The following COL6A2 variants were observed in gnomAD, a reference collection of about 807,000 sequenced individuals.
COL6A2 encodes the protein collagen type VI alpha 2 chain, also known as collagen alpha-2(VI) chain.
Under a neutral mutation model 124.9 loss-of-function variants are expected in COL6A2, and 90 were observed. That is an observed-to-expected ratio of 0.72 (90% confidence interval 0.61 to 0.86). COL6A2 has a LOEUF of 0.86. Ranked by LOEUF, COL6A2 falls within the 40% of genes least tolerant of loss-of-function variation. The pLI is 0.00. For missense variants in COL6A2, 1,607 were observed against 1,502.5 expected, an observed-to-expected ratio of 1.07 and a Z score of -1.15; for synonymous variants, 793 against 618.2, an observed-to-expected ratio of 1.28 and a Z score of -4.19.
At chr21:46,112,716 G>A (rs1212357398) in intron 3 of COL6A2, 88 bp from the exon 4 acceptor site, 2 of 1,603,934 alleles carry the variant, frequency 1.2e-6, no homozygotes, top group African/African-American at 1.3e-5. Context: ...GGCCACTCAG[G>A]TGTCCCTCCA....
At chr21:46,113,858 A>T in intron 4 of COL6A2, 150 bp from the exon 5 acceptor site, 1 of 713,624 alleles carries the variant, frequency 1.4e-6, no homozygotes, top group South Asian at 1.5e-5. Flanking sequence ...CATGTCTCAC[A>T]GCTCCCTCAC....
At chr21:46,127,864 G>C (rs776208699) in intron 27 of COL6A2, among the ~76,000 whole-genome samples, 14 of 152,196 alleles carry the variant, frequency 9.2e-5, no homozygotes, top group Non-Finnish European at 1.9e-4. Flanking sequence ...TATCATTGTA[G>C]TTGGGAGTTA....
intron 14 of COL6A2, among the ~76,000 whole-genome samples, chr21:46,119,515 C>T (rs775061969): frequency 3.3e-5 from 5 of 152,236 alleles, no homozygotes; most frequent in Non-Finnish European, 7.3e-5. Flanking sequence ...AAACGCCACT[C>T]ACCAGACATC....
At chr21:46,115,811 G>T in intron 5 of COL6A2, 61 bp from the exon 6 acceptor site, 1 of 1,474,956 alleles carries the variant, frequency 6.8e-7, no homozygotes, top group Non-Finnish European at 9.4e-7. Flanking sequence ...CTGTGGCAGG[G>T]TCCCCAGCTG....
Position 46,117,445 on chromosome 21 carries a change from G to C in COL6A2, c.1045G>C (p.Gly349Arg). 6.2e-7 allele frequency: 1 copy of C among 1,612,620 alleles called. No individual in the cohort carries two copies. Among genetic ancestry groups the C allele is most frequent in the African/African-American group, 1.3e-5 (1 of 74,928 alleles). ...IGPPGCKGDP[G>R]NRGPDGYPGE... ...ACCTCCTGGCTGCAAGGGAGACCCT[G>C]GAAACCGGGTAAGGGCCGTTTGCAC... The change falls in exon 11 of 28, where the codon GGA (glycine) becomes CGA (arginine). Residue 349 changes from glycine to arginine, a missense_variant. Coordinates refer to ENST00000300527, the MANE Select transcript of COL6A2 (RefSeq NM_001849.4).
At chr21:46,114,165 A>T in intron 5 of COL6A2, 92 bp downstream of exon 5, 1 of 1,074,460 alleles carries the variant, frequency 9.3e-7, no homozygotes, top group Non-Finnish European at 1.4e-6. Context: ...GGTGGCTCAT[A>T]CCTGTAATCC....
Position 46,126,147 on chromosome 21 carries a change from G to A in COL6A2, c.2332G>A (p.Asp778Asn), listed in dbSNP as rs28562813. 4.8e-4 allele frequency: 769 copies of A among 1,610,842 alleles called. 5 individuals carry two copies. The African/African-American group carries it at 7.6e-3, about 16-fold the overall frequency. ...TGAAAACCTCTACTCCATCGCCTGC[G>A]ACAAGCCACAGCAGGTGCGCAACAT... ...ESENLYSIAC[D>N]KPQQVRNMTL... The change falls in exon 26 of 28, where the codon GAC (aspartate) becomes AAC (asparagine). Residue 778 changes from aspartate to asparagine, a missense_variant. Coordinates refer to ENST00000300527, the MANE Select transcript of COL6A2 (RefSeq NM_001849.4).
intron 27 of COL6A2, chr21:46,129,846 A>C (rs1048549635): frequency 1.9e-6 from 2 of 1,069,354 alleles, no homozygotes; most frequent in Non-Finnish European, 2.3e-6. Flanking sequence ...TCACCCTCAC[A>C]GGCTCCAGGG....
intron 1 of COL6A2, among the ~76,000 whole-genome samples, chr21:46,098,560 G>T (rs2078251795): frequency 6.6e-6 from 1 of 151,796 alleles, no homozygotes; most frequent in Non-Finnish European, 1.5e-5. Context: ...GAGCGGTTCG[G>T]GTCCGGCTCC....
Position 46,121,141 on chromosome 21 carries a change from A to C in COL6A2, c.1458+18A>C. On this transcript the variant is annotated intron_variant, in intron 17 of 27. Coordinates refer to ENST00000300527, the MANE Select transcript of COL6A2 (RefSeq NM_001849.4). ...GAAAGCAGGTCAGTGTCAGTGCAGG[A>C]GGCCGGTGCCCTCTGACCCCACGGG... The C allele has an allele frequency of 6.2e-7, 1 of 1,612,260 alleles. No individual in the cohort carries two copies. Among genetic ancestry groups the C allele is most frequent in the Middle Eastern group, 1.7e-4 (1 of 6,054 alleles).
At chr21:46,117,267 G>T in intron 10 of COL6A2, 133 bp from the exon 11 acceptor site, 1 of 892,908 alleles carries the variant, frequency 1.1e-6, no homozygotes. Flanking sequence ...GTGGCCTCAT[G>T]TGGGCACCCG....
intron 2 of COL6A2, 66 bp downstream of exon 2, chr21:46,111,657 C>T: frequency 2.0e-6 from 1 of 503,698 alleles, no homozygotes. Flanking sequence ...TACCCAGGTG[C>T]CAGGGGTCGG....
chr21:46,112,328 C>T lies in COL6A2; in HGVS notation c.465C>T (p.His155=), dbSNP rs781477710. 3.1e-6 allele frequency: 5 copies of T among 1,611,446 alleles called. No individual in the cohort carries two copies. Among genetic ancestry groups the T allele is most frequent in the Middle Eastern group, 1.7e-4 (1 of 6,060 alleles). Residue 155 remains histidine (H), a synonymous_variant, in exon 3 of 28, where the codon CAC becomes CAT. Transcript: ENST00000300527. ...IRQDRSKGTV[H]FAVVITDGHV... ...AGGACCGCAGCAAGGGCACCGTCCA[C>T]TTCGCCGTGGTCATCACCGACGGCC... is the stretch of plus-strand genomic sequence containing the variant.
At chr21:46,112,774 G>A (rs768982149) in intron 3 of COL6A2, 30 bp from the exon 4 acceptor site, 16 of 1,613,724 alleles carry the variant, frequency 9.9e-6, no homozygotes, top group Admixed American at 3.3e-5. Context: ...CGAGGCACAC[G>A]GCTAACCAGC....
Position 46,112,218 on chromosome 21 carries a change from A to G in COL6A2, c.355A>G (p.Ile119Val). 1.2e-6 allele frequency: 2 copies of G among 1,612,844 alleles called. No individual in the cohort carries two copies. Among genetic ancestry groups the G allele is most frequent in the South Asian group, 2.2e-5 (2 of 91,078 alleles). ...ACCGGGCAGCGACCGGGCCTCCTTCATCAAGAACCTGCAGGGCATCAGCTC... is the reference window on the plus strand; with the variant it reads ...ACCGGGCAGCGACCGGGCCTCCTTCGTCAAGAACCTGCAGGGCATCAGCTC... ...SPPGSDRASFIKNLQGISSFR... is the reference protein window; with the variant it reads ...SPPGSDRASFVKNLQGISSFR... Residue 119 changes from isoleucine to valine, a missense_variant, in exon 3 of 28, where the codon ATC becomes GTC. Ile to Val is a conservative substitution (Grantham distance 29). Transcript: ENST00000300527.
intron 5 of COL6A2, 143 bp downstream of exon 5, chr21:46,114,216 G>A (rs558373906): frequency 1.8e-5 from 13 of 713,516 alleles, no homozygotes; most frequent in Non-Finnish European, 2.8e-5. Context: ...CACAACGTCA[G>A]GAGATCGAGA....
intron 26 of COL6A2, 73 bp from the exon 27 acceptor site, chr21:46,126,430 G>A: frequency 6.3e-7 from 1 of 1,595,712 alleles, no homozygotes; most frequent in Non-Finnish European, 8.6e-7. Flanking sequence ...TGTCTAGGCA[G>A]ATCAGTGAAC....
rs116324633 is a variant in COL6A2, at chr21:46,132,650, C to T, written c.*98C>T. On this transcript the variant is annotated 3_prime_UTR_variant, in exon 28 of 28. Transcript: ENST00000300527. ...CACACGGCCAGCACCGCTGCTCACTCGGACGACGCCCTGGGCCTGCACCTC... is the reference window on the plus strand; with the variant it reads ...CACACGGCCAGCACCGCTGCTCACTTGGACGACGCCCTGGGCCTGCACCTC... 2.5e-5 allele frequency: 31 copies of T among 1,231,260 alleles called. 1 individual carries two copies. Among genetic ancestry groups the T allele is most frequent in the South Asian group, 6.5e-5 (5 of 77,398 alleles). The allele number at this position is 1,231,260 out of a possible 1,614,324, so 76.3% of individuals were successfully genotyped here.
In COL6A2 at chr21:46,116,910, C is replaced by T; in HGVS notation, c.999+96C>T. The stretch of plus-strand genomic sequence containing the variant: ...ATCCAGCCTGATCTGTCAGCTTACA[C>T]ATGTGTACACACGCATACACACACA... On this transcript the variant is annotated intron_variant, in intron 10 of 27. Transcript: ENST00000300527. The surrounding 1 kb of genome is among the most constrained non-coding windows in gnomAD (Gnocchi z 4.6). The T allele has an allele frequency of 1.8e-6, 2 of 1,121,712 alleles. No homozygotes were observed. Among genetic ancestry groups the T allele is most frequent in the Non-Finnish European group, 2.7e-6 (2 of 752,552 alleles). The allele number at this position is 1,121,712 out of a possible 1,614,324, so 69.5% of individuals were successfully genotyped here.
Sources: gnomAD v4.1 joint callset for allele counts (sites outside exome capture counted in the v4.1 genomes callset) on GRCh38, gnomAD v4.1.1 for gene constraint, Gnocchi (gnomAD v3.1) non-coding constraint, MANE v1.5 for transcripts, NCBI Gene and HGNC (gene_info 2026-07-23, HGNC 2026-07-21) for gene names.